Variants in TMTC1 observed in about 807,000 individuals in gnomAD.
The protein encoded by TMTC1 is transmembrane O-mannosyltransferase targeting cadherins 1.
A neutral mutation model predicts 104.8 loss-of-function variants in TMTC1; 73 were observed. The observed-to-expected ratio is 0.70, with a 90% CI of 0.58 to 0.85. The LOEUF is 0.85. Among genes scored for constraint, TMTC1 ranks in the 40% least tolerant of loss-of-function variants. The pLI is 0.00. For synonymous variants in TMTC1, 434 were observed against 428.7 expected (o/e 1.01, Z -0.15); for missense variants, 1,035 against 1,096.1 (o/e 0.94, Z 0.79).
chr12:29,628,747 C>T (rs897564998), intron 6 of TMTC1, among the ~76,000 whole-genome samples: 2 of 152,086 alleles, frequency 1.3e-5, no homozygotes, highest in African/African-American at 4.8e-5. Context: ...CTGCAACCTC[C>T]ACCTCCTGGG....
At chr12:29,616,949 C>T (rs1946996928) in intron 6 of TMTC1, among the ~76,000 whole-genome samples, 1 of 151,990 alleles carries the variant, frequency 6.6e-6, no homozygotes, top group Non-Finnish European at 1.5e-5. Context: ...CACCCTGGGT[C>T]GTCTTATAAC....
At chr12:29,727,504 G>A (rs2136904664) in intron 5 of TMTC1, among the ~76,000 whole-genome samples, 1 of 152,230 alleles carries the variant, frequency 6.6e-6, no homozygotes. Context: ...AGCCTCTCAA[G>A]TAGCTGGGAC....
chr12:29,665,417 C>A (rs1591891810), intron 5 of TMTC1, among the ~76,000 whole-genome samples: 1 of 152,290 alleles, frequency 6.6e-6, no homozygotes, highest in South Asian at 2.1e-4. Context: ...TCTGACTACT[C>A]ACATCCACCA....
chr12:29,652,963 G>C (rs1591867608), intron 5 of TMTC1, among the ~76,000 whole-genome samples: 1 of 152,128 alleles, frequency 6.6e-6, no homozygotes, highest in South Asian at 2.1e-4. Context: ...TCAGGAGGCT[G>C]AGACAGGAGA....
intron 7 of TMTC1, among the ~76,000 whole-genome samples, chr12:29,591,735 T>C (rs59063950): frequency 0.013 from 1,942 of 152,344 alleles, 40 homozygotes; most frequent in African/African-American, 0.043. Flanking sequence ...TCTGCTTTTA[T>C]GATGCACATT....
intron 5 of TMTC1, among the ~76,000 whole-genome samples, chr12:29,644,359 G>C (rs112638548): frequency 2.0e-5 from 3 of 151,526 alleles, no homozygotes; most frequent in East Asian, 3.9e-4. Flanking sequence ...TGGGGACTTG[G>C]GGGGAAGAGT....
chr12:29,608,273 A>T (rs922623905), intron 6 of TMTC1, among the ~76,000 whole-genome samples: 1 of 152,228 alleles, frequency 6.6e-6, no homozygotes, highest in African/African-American at 2.4e-5. Flanking sequence ...TGATGTGACA[A>T]AATTGGCTAA....
chr12:29,735,473 T>C (rs1285250890), intron 5 of TMTC1, among the ~76,000 whole-genome samples: 2 of 152,186 alleles, frequency 1.3e-5, no homozygotes, highest in African/African-American at 2.4e-5. Flanking sequence ...TAGGCAAATA[T>C]AGTAGTCACT....
intron 3 of TMTC1, 63 bp from the exon 4 acceptor site, chr12:29,755,948 C>T (rs575211230): frequency 1.3e-6 from 2 of 1,507,974 alleles, no homozygotes; most frequent in Admixed American, 1.9e-5. Context: ...AGAAATGCCA[C>T]CTCTTAAAGA....
At chr12:29,632,077 T>C (rs1197786509) in intron 6 of TMTC1, among the ~76,000 whole-genome samples, 4 of 151,614 alleles carry the variant, frequency 2.6e-5, no homozygotes, top group Non-Finnish European at 5.9e-5. Context: ...TGCCCTTTCA[T>C]ATTTCTCTTG....
intron 10 of TMTC1, among the ~76,000 whole-genome samples, chr12:29,540,564 C>A (rs1191879211): frequency 6.6e-6 from 1 of 152,138 alleles, no homozygotes; most frequent in Admixed American, 6.5e-5. Flanking sequence ...TTATCTGTGA[C>A]CACCAGGTTT....
chr12:29,597,507 T>C (rs1946442612), intron 7 of TMTC1, among the ~76,000 whole-genome samples: 1 of 151,980 alleles, frequency 6.6e-6, no homozygotes, highest in Admixed American at 6.6e-5. Flanking sequence ...CCAGAGAGCC[T>C]GTCCCATGGC....
intron 17 of TMTC1, 58 bp downstream of exon 17, chr12:29,511,985 A>G (rs1221302828): frequency 6.5e-5 from 94 of 1,451,684 alleles, no homozygotes; most frequent in Non-Finnish European, 8.8e-5. Flanking sequence ...GAAAGAAGAC[A>G]GAGAGAGAAA....
At chr12:29,775,399 G>T (rs1943684904) in intron 1 of TMTC1, among the ~76,000 whole-genome samples, 1 of 152,054 alleles carries the variant, frequency 6.6e-6, no homozygotes, top group Non-Finnish European at 1.5e-5. Flanking sequence ...TGACCAACTG[G>T]CTACATAATC....
intron 5 of TMTC1, among the ~76,000 whole-genome samples, chr12:29,691,591 C>T (rs1041086863): frequency 4.2e-5 from 6 of 143,608 alleles, no homozygotes; most frequent in African/African-American, 1.5e-4. Context: ...CTGACCATTA[C>T]CGGAAGCCAA....
chr12:29,661,316 A>T, intron 5 of TMTC1: 1 of 956,554 alleles, frequency 1.0e-6, no homozygotes. Context: ...TTATTTACCT[A>T]CTTAATATAA....
intron 5 of TMTC1, among the ~76,000 whole-genome samples, chr12:29,652,934 C>T (rs572838074): frequency 2.0e-5 from 3 of 152,092 alleles, no homozygotes; most frequent in East Asian, 1.9e-4. Flanking sequence ...TGGTGGTATA[C>T]GCCTGTAATC....
chr12:29,743,675 A>G (rs1592000483), intron 5 of TMTC1, among the ~76,000 whole-genome samples: 1 of 152,328 alleles, frequency 6.6e-6, no homozygotes, highest in East Asian at 1.9e-4. Context: ...TATATTACCT[A>G]GCATAGAATA....
At chr12:29,724,521 A>AT (rs1199626136) in intron 5 of TMTC1, among the ~76,000 whole-genome samples, 4 of 152,220 alleles carry the variant, frequency 2.6e-5, no homozygotes, top group African/African-American at 7.2e-5. Flanking sequence ...ATTCTGGATG[A>AT]TAAGTGATAC....
Sources: allele counts gnomAD v4.1 joint callset (sites outside exome capture counted in the v4.1 genomes callset), GRCh38; gene constraint gnomAD v4.1.1; transcripts MANE v1.5; gene names NCBI Gene and HGNC (gene_info 2026-07-23, HGNC 2026-07-21).